The following ARMH4 variants were observed in gnomAD, a reference collection of about 807,000 sequenced individuals.
ARMH4 encodes armadillo like helical domain containing 4.
ARMH4 carries 49 observed loss-of-function variants against 61.9 expected under a neutral mutation model. That is an observed-to-expected ratio of 0.79 (90% CI 0.63 to 1.00). The LOEUF (loss-of-function observed/expected upper bound fraction) is 1.00, where lower values mean the gene tolerates loss of function less well. ARMH4 is among the 50% of genes least tolerant of loss of function. The pLI is 0.00. For synonymous variants in ARMH4, 368 were observed against 341.5 expected, an observed-to-expected ratio of 1.08 and a Z score of -0.85; for missense variants, 934 against 930.0, an observed-to-expected ratio of 1.00 and a Z score of -0.06.
chr14:58,092,910 G>A (rs1885621209), intron 5 of ARMH4, among the ~76,000 whole-genome samples: 1 of 150,954 alleles, frequency 6.6e-6, no homozygotes, highest in East Asian at 2.0e-4. Context: ...TAAACTCCTG[G>A]TGATATGGTT....
chr14:58,021,322 T>C (rs1882821289), intron 5 of ARMH4, among the ~76,000 whole-genome samples: 1 of 152,146 alleles, frequency 6.6e-6, no homozygotes, highest in African/African-American at 2.4e-5. Context: ...AGTGATTAAG[T>C]CTCACAAGAT....
chr14:58,126,283 ATCAT>A (rs1235084966), intron 4 of ARMH4, among the ~76,000 whole-genome samples: 1 of 152,250 alleles, frequency 6.6e-6, no homozygotes, highest in Non-Finnish European at 1.5e-5. Context: ...TCCCAAGAAT[ATCAT>A]TCAGTCACCT....
At chr14:58,097,085 C>T (rs1436133936) in intron 4 of ARMH4, 104 bp from the exon 5 acceptor site, 2 of 1,232,086 alleles carry the variant, frequency 1.6e-6, no homozygotes, top group African/African-American at 3.0e-5. Flanking sequence ...AATTGTTTGG[C>T]CTTTTGAAAC....
At chr14:58,103,003 C>T (rs942676432) in intron 4 of ARMH4, among the ~76,000 whole-genome samples, 18 of 150,900 alleles carry the variant, frequency 1.2e-4, no homozygotes, top group Middle Eastern at 3.5e-3. Context: ...CGTGGTGATG[C>T]ATGCCTGTAA....
intron 5 of ARMH4, among the ~76,000 whole-genome samples, chr14:58,065,010 G>A (rs967256990): frequency 2.0e-5 from 3 of 152,142 alleles, no homozygotes; most frequent in East Asian, 1.9e-4. Context: ...TTGGGAGGCC[G>A]AGGCGGGCAG....
At chr14:58,133,727 A>T (rs1348656523) in intron 2 of ARMH4, among the ~76,000 whole-genome samples, 1 of 152,230 alleles carries the variant, frequency 6.6e-6, no homozygotes, top group African/African-American at 2.4e-5. Flanking sequence ...ACAGTGTATT[A>T]ATTTTCACAT....
intron 1 of ARMH4, 23 bp downstream of exon 1, chr14:58,152,052 G>A (rs1472497057): frequency 1.3e-5 from 2 of 152,890 alleles, no homozygotes; most frequent in African/African-American, 4.8e-5. Context: ...CGCCCAAGTG[G>A]CCGGAGCCGG....
chr14:58,054,879 A>T (rs57669709), intron 5 of ARMH4, among the ~76,000 whole-genome samples: 21,560 of 131,998 alleles, frequency 0.16, 2,274 homozygotes, highest in East Asian at 0.62. Context: ...CAAAAAAAAA[A>T]AAAAAATAAT....
chr14:58,129,181 G>C (rs1476534108), intron 4 of ARMH4, among the ~76,000 whole-genome samples: 1 of 152,204 alleles, frequency 6.6e-6, no homozygotes, highest in Non-Finnish European at 1.5e-5. Flanking sequence ...CAGTCATCAT[G>C]TTGTAGAGAT....
chr14:58,049,087 A>G (rs1884041622), intron 5 of ARMH4, among the ~76,000 whole-genome samples: 1 of 151,884 alleles, frequency 6.6e-6, no homozygotes, highest in Non-Finnish European at 1.5e-5. Context: ...AACACAAAAA[A>G]AATTAGCCAG....
At chr14:58,089,706 C>G (rs1300970688) in intron 5 of ARMH4, among the ~76,000 whole-genome samples, 1 of 152,142 alleles carries the variant, frequency 6.6e-6, no homozygotes, top group African/African-American at 2.4e-5. Flanking sequence ...AAGGAAGGCT[C>G]TAATATTGGA....
At chr14:58,137,924 C>G in intron 2 of ARMH4, 66 bp downstream of exon 2, 1 of 1,466,560 alleles carries the variant, frequency 6.8e-7, no homozygotes, top group Non-Finnish European at 9.2e-7. Flanking sequence ...TCTAAATTGC[C>G]ATTAAAAAAA....
intron 5 of ARMH4, among the ~76,000 whole-genome samples, chr14:58,045,136 C>T (rs901917023): frequency 3.9e-5 from 6 of 152,230 alleles, no homozygotes; most frequent in African/African-American, 1.4e-4. Context: ...GATTATAAAT[C>T]ATGCTGCTAT....
At chr14:58,030,243 C>T (rs754857817) in intron 5 of ARMH4, among the ~76,000 whole-genome samples, 40 of 152,258 alleles carry the variant, frequency 2.6e-4, no homozygotes, top group Non-Finnish European at 4.7e-4. Context: ...GCCTCAGTGC[C>T]CATGTGATAC....
chr14:58,124,477 T>C (rs1338181861), intron 4 of ARMH4, among the ~76,000 whole-genome samples: 4 of 152,064 alleles, frequency 2.6e-5, no homozygotes, highest in Non-Finnish European at 5.9e-5. Context: ...AGGGAAGAGA[T>C]TTTATTGTGT....
rs951296926 is a variant in ARMH4, at chr14:58,001,051, T to G, written c.*3685A>C. 1 of 152,250 alleles carries G rather than the reference T, an allele frequency of 6.6e-6. No individual in the cohort carries two copies. Among genetic ancestry groups the G allele is most frequent in the African/African-American group, 2.4e-5 (1 of 41,472 alleles). 9.4% of individuals were successfully genotyped at this position (152,250 alleles called of 1,614,324 possible). A position where few individuals can be genotyped will look rare whatever the true frequency, so the allele number is the denominator to read the frequency against. On this transcript the variant is annotated 3_prime_UTR_variant, in exon 8 of 8. Transcript: ENST00000267485. ...GCCCAGCCCGTGGCAAGCACCATTT[T>G]GCCTCTGCCCTTATGAGTTTGATTA...
chr14:58,047,407 T>C (rs893248017), intron 5 of ARMH4, among the ~76,000 whole-genome samples: 1 of 152,232 alleles, frequency 6.6e-6, no homozygotes, highest in African/African-American at 2.4e-5. Context: ...TAGTAACAGT[T>C]AAAACATATA....
rs1489265499 is a variant in ARMH4 at position 58,077,182 on chromosome 14, C to T, written c.2089+19542G>A. ...AGCTAGACAGCCCTGAGCTAACCCA[C>T]GTTTAGTGATTAATAACACACTGGT... On this transcript the variant is annotated intron_variant, in intron 5 of 7. Transcript: ENST00000267485. 3.3e-5 allele frequency among the ~76,000 whole-genome samples: 5 copies of T among 152,118 alleles called. No homozygotes were observed. The South Asian group carries it at 8.3e-4, about 25-fold the overall frequency.
intron 4 of ARMH4, among the ~76,000 whole-genome samples, chr14:58,119,061 G>A (rs1318797558): frequency 1.3e-5 from 2 of 152,214 alleles, no homozygotes; most frequent in Admixed American, 1.3e-4. Context: ...CAATGTAGAA[G>A]GAGACAGAAT....
Sources: allele counts gnomAD v4.1 joint callset (sites outside exome capture counted in the v4.1 genomes callset), GRCh38; gene constraint gnomAD v4.1.1; transcripts MANE v1.5; gene names NCBI Gene and HGNC (gene_info 2026-07-23, HGNC 2026-07-21).